Variants in IRGM observed in about 807,000 individuals in gnomAD.
IRGM encodes immunity related GTPase M.
For synonymous variants in IRGM, 98 were observed against 80.6 expected, an observed-to-expected ratio of 1.22 and a Z score of -1.16; for missense variants, 288 against 219.9, an observed-to-expected ratio of 1.31 and a Z score of -1.96.
chr5:150,854,869 C>CA (rs1276919527), intron 1 of IRGM, among the ~76,000 whole-genome samples: 1 of 151,874 alleles, frequency 6.6e-6, no homozygotes, highest in South Asian at 2.1e-4. Flanking sequence ...ATTACTTTTT[C>CA]AAAAAAATTA....
Position 150,847,951 on chromosome 5 carries a change from A to G in IRGM, c.-173A>G. ...CTGTATTAGCTGGGACTACAGGCGC[A>G]CACCACCACGCGCAGCTAATTTTTT... On this transcript the variant is annotated 5_prime_UTR_variant, in exon 2 of 2. Transcript: ENST00000522154. The G allele has an allele frequency of 1.7e-6, 1 of 586,632 alleles. No individual in the cohort carries two copies. The highest frequency in any genetic ancestry group is 3.0e-6 in the Non-Finnish European group (1 of 332,376). The allele number at this position is 586,632 out of a possible 1,614,324, so 36.3% of individuals were successfully genotyped here. A position where few individuals can be genotyped will look rare whatever the true frequency, so the allele number is the denominator to read the frequency against.
At chr5:150,865,176 A>G (rs2113269991) in intron 1 of IRGM, among the ~76,000 whole-genome samples, 1 of 152,366 alleles carries the variant, frequency 6.6e-6, no homozygotes, top group African/African-American at 2.4e-5. Context: ...TTATTGACAT[A>G]TATTAGAATA....
At chr5:150,873,221 C>T (rs756086980) in intron 1 of IRGM, among the ~76,000 whole-genome samples, 5 of 152,196 alleles carry the variant, frequency 3.3e-5, no homozygotes, top group Non-Finnish European at 7.3e-5. Flanking sequence ...AAGCCCACTG[C>T]ATTCTTACTT....
chr5:150,896,953 T>C (rs1320523310), intron 3 of IRGM: 1 of 1,611,344 alleles, frequency 6.2e-7, no homozygotes, highest in Admixed American at 1.7e-5. Context: ...GACTGGGAGT[T>C]GTGAAGGTTA....
At chr5:150,897,884 A>G in intron 3 of IRGM, 1 of 671,240 alleles carries the variant, frequency 1.5e-6, no homozygotes. Flanking sequence ...ATATATATAT[A>G]CACACAAGAG....
intron 1 of IRGM, 169 bp downstream of exon 1, chr5:150,847,389 A>C (rs912287805): frequency 6.6e-6 from 1 of 152,306 alleles, no homozygotes; most frequent in Non-Finnish European, 1.5e-5. Flanking sequence ...CTATATTAGG[A>C]TAGAGTAAAA....
intron 2 of IRGM, among the ~76,000 whole-genome samples, chr5:150,879,139 G>A (rs543508380): frequency 6.6e-6 from 1 of 152,276 alleles, no homozygotes; most frequent in South Asian, 2.1e-4. Flanking sequence ...TGAGATGGAT[G>A]TCAGTGTTAG....
chr5:150,886,953 G>A (rs866554111), intron 3 of IRGM, among the ~76,000 whole-genome samples: 7 of 151,904 alleles, frequency 4.6e-5, no homozygotes, highest in Middle Eastern at 3.4e-3. Flanking sequence ...TAGCTTTGGA[G>A]TGGATTTGTT....
intron 1 of IRGM, among the ~76,000 whole-genome samples, chr5:150,857,722 G>A (rs907624483): frequency 7.2e-5 from 11 of 152,298 alleles, no homozygotes; most frequent in African/African-American, 2.6e-4. Context: ...CTGCATAAAT[G>A]TCTTCTTTTG....
intron 3 of IRGM, chr5:150,895,392 G>T: frequency 6.7e-7 from 1 of 1,489,242 alleles, no homozygotes; most frequent in Non-Finnish European, 9.1e-7. Context: ...TAAGGCTTGA[G>T]CTAATACTAA....
intron 1 of IRGM, among the ~76,000 whole-genome samples, chr5:150,874,896 A>G (rs1460464628): frequency 6.6e-6 from 1 of 152,190 alleles, no homozygotes; most frequent in Non-Finnish European, 1.5e-5. Context: ...GAAACTGAAC[A>G]TTTGACTATG....
At chr5:150,847,356 C>T (rs1466866410) in intron 1 of IRGM, 136 bp downstream of exon 1, 3 of 152,328 alleles carry the variant, frequency 2.0e-5, no homozygotes, top group Admixed American at 6.5e-5. Flanking sequence ...GAAATATGTA[C>T]TGAAACTTGT....
chr5:150,863,847 G>A (rs1481928745), intron 1 of IRGM, among the ~76,000 whole-genome samples: 2 of 152,130 alleles, frequency 1.3e-5, no homozygotes, highest in Non-Finnish European at 2.9e-5. Context: ...CAGTAAGCAG[G>A]CACTGCTTTG....
exon 2 of IRGM, chr5:150,878,000 G>T (rs973359699): frequency 2.2e-6 from 1 of 457,380 alleles, no homozygotes; most frequent in Admixed American, 2.3e-5. Context: ...ACCAACAAGT[G>T]TACCCAAACC....
intron 1 of IRGM, among the ~76,000 whole-genome samples, chr5:150,870,155 G>A (rs539308164): frequency 9.9e-5 from 15 of 152,088 alleles, no homozygotes; most frequent in African/African-American, 1.2e-4. Flanking sequence ...GTTTCAGACC[G>A]TGAATTTTAA....
At chr5:150,869,194 G>C (rs993214127) in intron 1 of IRGM, among the ~76,000 whole-genome samples, 4 of 152,132 alleles carry the variant, frequency 2.6e-5, no homozygotes, top group Non-Finnish European at 5.9e-5. Flanking sequence ...TATTCATAAA[G>C]GGATGCTGGA....
At chr5:150,892,814 CA>C (rs1754633613) in intron 3 of IRGM, among the ~76,000 whole-genome samples, 1 of 152,004 alleles carries the variant, frequency 6.6e-6, no homozygotes, top group Non-Finnish European at 1.5e-5. Context: ...TGCAGTGGTG[CA>C]ATCACTGCAG....
chr5:150,873,482 T>C (rs6895092), intron 1 of IRGM, among the ~76,000 whole-genome samples: 3,255 of 152,284 alleles, frequency 0.021, 114 homozygotes, highest in African/African-American at 0.075. Context: ...AACTATGCAC[T>C]GGGGAAAGGG....
chr5:150,897,983 TAGG>T, intron 3 of IRGM: 1 of 1,515,324 alleles, frequency 6.6e-7, no homozygotes. Context: ...AAGCAAAGAA[TAGG>T]AGATTTTGAT....
Sources: allele counts gnomAD v4.1 joint callset (sites outside exome capture counted in the v4.1 genomes callset), GRCh38; gene constraint gnomAD v4.1.1; transcripts MANE v1.5; gene names NCBI Gene and HGNC (gene_info 2026-07-23, HGNC 2026-07-21).